The following ARRB2 variants were observed in gnomAD, a reference collection of about 807,000 sequenced individuals.
ARRB2 encodes beta-arrestin-2.
ARRB2 carries 21 observed loss-of-function variants against 53.4 expected under a neutral mutation model. The ratio of observed to expected loss-of-function variants is 0.39; its 90% CI spans 0.28 to 0.57. ARRB2 has a LOEUF of 0.57. Among genes scored for constraint, ARRB2 ranks in the 20% least tolerant of loss-of-function variants. ARRB2 has a pLI of 0.55. For missense variants in ARRB2, 369 were observed against 527.5 expected (o/e 0.70, Z 2.94); for synonymous variants, 180 against 212.9 (o/e 0.85, Z 1.34).
intron 1 of ARRB2, among the ~76,000 whole-genome samples, chr17:4,712,666 T>C (rs1914531616): frequency 6.6e-6 from 1 of 152,248 alleles, no homozygotes; most frequent in Non-Finnish European, 1.5e-5. Flanking sequence ...AGGCCCACAA[T>C]TGGCCAGATC....
intron 5 of ARRB2, 50 bp downstream of exon 5, chr17:4,716,658 T>A (rs1225075284): frequency 1.3e-6 from 2 of 1,539,422 alleles, no homozygotes; most frequent in Non-Finnish European, 1.7e-6. Flanking sequence ...GCTGGGACTG[T>A]GTCTGGGGTG....
chr17:4,713,918 C>G (rs990887357), intron 1 of ARRB2, among the ~76,000 whole-genome samples: 1 of 151,988 alleles, frequency 6.6e-6, no homozygotes, highest in East Asian at 1.9e-4. Context: ...GAGCTGAGAT[C>G]GCACCACTGC....
chr17:4,716,700 A>G, intron 5 of ARRB2, 92 bp downstream of exon 5: 1 of 1,486,632 alleles, frequency 6.7e-7, no homozygotes, highest in Non-Finnish European at 8.9e-7. Flanking sequence ...CAGATCTGGA[A>G]GAAACAGTGA....
Position 4,720,589 on chromosome 17 carries a change from C to T in ARRB2, c.1085C>T (p.Ala362Val), listed in dbSNP as rs1035475988. ...HIPLPRPQSA[A>V]PETDVPVDTN... The stretch of plus-strand genomic sequence containing the variant: ...CCCCCTCTTCCCGTCCCCCCAGCCG[C>T]TCCGGAGACAGATGTCCCTGTGGAC... Residue 362 changes from alanine (A) to valine (V), a missense_variant, in exon 14 of 15, where the codon GCT (alanine) becomes GTT (valine). Ala to Val is a moderately conservative substitution (Grantham distance 64). Coordinates refer to ENST00000269260, the MANE Select transcript of ARRB2 (RefSeq NM_004313.4). 14 of 1,590,144 alleles carry T rather than the reference C, an allele frequency of 8.8e-6. No homozygotes were observed. The highest frequency in any genetic ancestry group is 1.1e-5 in the Non-Finnish European group (13 of 1,171,134).
chr17:4,718,710 C>G, intron 10 of ARRB2, 26 bp downstream of exon 10: 1 of 1,604,180 alleles, frequency 6.2e-7, no homozygotes, highest in South Asian at 1.1e-5. Flanking sequence ...GACCCATGTT[C>G]CAATCTAGGG....
chr17:4,716,690 C>A, intron 5 of ARRB2, 82 bp downstream of exon 5: 1 of 1,503,186 alleles, frequency 6.7e-7, no homozygotes, highest in Non-Finnish European at 8.8e-7. Context: ...CTGCTGTGGG[C>A]AGATCTGGAA....
At chr17:4,711,164 C>T (rs1352578075) in intron 1 of ARRB2, among the ~76,000 whole-genome samples, 4 of 152,118 alleles carry the variant, frequency 2.6e-5, no homozygotes, top group Non-Finnish European at 5.9e-5. Context: ...CAATATCCCC[C>T]AGGTAGTCGC....
rs779850707 is a variant in ARRB2, at chr17:4,714,652, CGGGAAGAA to C, written c.24-357_24-350del. 285 of 115,874 alleles carry C rather than the reference CGGGAAGAA, an allele frequency of 2.5e-3. 125 individuals carry two copies. Among genetic ancestry groups the C allele is most frequent in the Middle Eastern group, 7.5e-3 (2 of 266 alleles). 7.2% of individuals were successfully genotyped at this position (115,874 alleles called of 1,614,324 possible). A position where few individuals can be genotyped will look rare whatever the true frequency, so the allele number is the denominator to read the frequency against. Reference sequence around the variant, plus strand: ...CACGTTAGAAATAGGAAGGACCTTCCGGGAAGAAGGGTTCCCCTTGCCACCACGTTAGA... The same window carrying C: ...CACGTTAGAAATAGGAAGGACCTTCCGGGTTCCCCTTGCCACCACGTTAGA... On this transcript the variant is annotated intron_variant, in intron 1 of 14. Coordinates refer to ENST00000269260, the MANE Select transcript of ARRB2 (RefSeq NM_004313.4).
Position 4,721,105 on chromosome 17 carries a change from C to A in ARRB2, c.*66C>A. 3 of 1,469,766 alleles carry A rather than the reference C, an allele frequency of 2.0e-6. No homozygotes were observed. Among genetic ancestry groups the A allele is most frequent in the Non-Finnish European group, 2.8e-6 (3 of 1,053,458 alleles). The allele number at this position is 1,469,766 out of a possible 1,614,324, so 91.0% of individuals were successfully genotyped here. A position where few individuals can be genotyped will look rare whatever the true frequency, so the allele number is the denominator to read the frequency against. On this transcript the variant is annotated 3_prime_UTR_variant, in exon 15 of 15. Transcript: ENST00000269260. The surrounding 1 kb of genome is among the most constrained non-coding windows in gnomAD (Gnocchi z 4.2). ...GGTGAGGGCAGGATTAAGATCCCCA[C>A]TGTCAATGGGGGATTGTCCCAGCCC...
chr17:4,717,925 G>A lies in ARRB2; in HGVS notation c.523G>A (p.Ala175Thr). The change falls in exon 8 of 15, where the codon GCC (alanine) becomes ACC (threonine). Residue 175 changes from alanine (A) to threonine (T), a missense_variant. Ala to Thr is a moderately conservative substitution (Grantham distance 58). Transcript: ENST00000269260. This position sits in a 1 kb window ranked among gnomAD's most constrained non-coding sequence, Gnocchi z 6.0. ...VRLVIRKVQF[A>T]PEKPGPQPSA... ...GCTGGTGATCCGAAAGGTGCAGTTC[G>A]CCCCGGAGAAACCCGGCCCCCAGCC... 1.9e-6 allele frequency: 3 copies of A among 1,613,840 alleles called. No homozygotes were observed. The highest frequency in any genetic ancestry group is 2.5e-6 in the Non-Finnish European group (3 of 1,180,014).
chr17:4,711,341 C>T (rs1296067918), intron 1 of ARRB2, among the ~76,000 whole-genome samples: 2 of 151,986 alleles, frequency 1.3e-5, no homozygotes, highest in Admixed American at 6.5e-5. Context: ...CAGTATTCAC[C>T]CTGGGCGCGC....
At position 4,721,093 on chromosome 17, in the gene ARRB2, T is replaced by A. The variant is rs1915653164; in HGVS notation, c.*54T>A. ...GGGGTTGGGAGAGGTGAGGGCAGGA[T>A]TAAGATCCCCACTGTCAATGGGGGA... On this transcript the variant is annotated 3_prime_UTR_variant, in exon 15 of 15. Transcript: ENST00000269260. This position sits in a 1 kb window ranked among gnomAD's most constrained non-coding sequence, Gnocchi z 4.2. The A allele has an allele frequency of 7.1e-6, 11 of 1,551,028 alleles. No individual in the cohort carries two copies. The highest frequency in any genetic ancestry group is 4.1e-5 in the African/African-American group (3 of 73,592).
At chr17:4,720,153 C>A in intron 11 of ARRB2, 63 bp from the exon 12 acceptor site, 1 of 1,532,980 alleles carries the variant, frequency 6.5e-7, no homozygotes, top group Non-Finnish European at 8.9e-7. Flanking sequence ...CCGTGGGAAC[C>A]CCACGGTGGG....
intron 14 of ARRB2, 136 bp from the exon 15 acceptor site, chr17:4,720,810 T>C: frequency 9.3e-7 from 1 of 1,071,474 alleles, no homozygotes; most frequent in Non-Finnish European, 1.4e-6. Context: ...CTTTGTCCCT[T>C]CCTGTAAATA....
At position 4,719,645 on chromosome 17, in the gene ARRB2, G is replaced by T. The variant is rs572158849; in HGVS notation, c.917+225G>T. Among the ~76,000 whole-genome samples the T allele has an allele frequency of 3.3e-5, 5 of 152,266 alleles. No homozygotes were observed. The South Asian group carries it at 1.0e-3, about 32-fold the overall frequency. On this transcript the variant is annotated intron_variant, in intron 11 of 14. Transcript: ENST00000269260. The stretch of plus-strand genomic sequence containing the variant: ...CAGGCAGAGAAGGAAGGGATGGGGG[G>T]CAGTGAGGTGCGAAGGTGAATTCGG...
chr17:4,715,531 G>A (rs1914891056), intron 2 of ARRB2: 2 of 228,510 alleles, frequency 8.8e-6, no homozygotes, highest in Non-Finnish European at 1.7e-5. Context: ...GGCTGGTTGG[G>A]CTGAGTCCTC....
chr17:4,720,378 T>G lies in ARRB2; in HGVS notation c.1002-15T>G. Reference sequence around the variant, plus strand: ...ATGTCGTCGTCCTCTTCACGATGCCTCTCCCCTTCCCCAGGGATGTCTCTG... The same window carrying G: ...ATGTCGTCGTCCTCTTCACGATGCCGCTCCCCTTCCCCAGGGATGTCTCTG... On this transcript the variant is annotated splice_polypyrimidine_tract_variant and intron_variant, in intron 12 of 14. Transcript: ENST00000269260. The G allele has an allele frequency of 6.2e-7, 1 of 1,613,564 alleles. No individual in the cohort carries two copies. The highest frequency in any genetic ancestry group is 8.5e-7 in the Non-Finnish European group (1 of 1,179,824).
chr17:4,710,948 C>CT (rs1914329879), intron 1 of ARRB2, among the ~76,000 whole-genome samples: 1 of 151,920 alleles, frequency 6.6e-6, no homozygotes, highest in South Asian at 2.1e-4. Flanking sequence ...AAAGCGAGGC[C>CT]TGAGGGGGAT....
intron 2 of ARRB2, chr17:4,715,551 GCAAA>G: frequency 8.6e-6 from 2 of 233,146 alleles, no homozygotes; most frequent in Middle Eastern, 3.3e-3. Flanking sequence ...CCCTGAGGAT[GCAAA>G]CACACACACA....
Sources: allele counts gnomAD v4.1 joint callset (sites outside exome capture counted in the v4.1 genomes callset), GRCh38; gene constraint gnomAD v4.1.1; non-coding constraint Gnocchi (gnomAD v3.1); transcripts MANE v1.5; gene names NCBI Gene and HGNC (gene_info 2026-07-23, HGNC 2026-07-21).